The following MICA variants were observed in gnomAD, a reference collection of about 807,000 sequenced individuals.
The protein encoded by MICA is HLA class I antigen.
MICA carries 18 observed loss-of-function variants against 34.3 expected under a neutral mutation model. The ratio of observed to expected loss-of-function variants is 0.52; its 90% CI spans 0.36 to 0.78. The LOEUF is 0.78. Ranked by LOEUF, MICA falls within the 30% of genes least tolerant of loss-of-function variation. The probability of loss-of-function intolerance (pLI) is 0.00; values close to 1 mark genes in which losing one functional copy is unlikely to be tolerated. For missense variants in MICA, 333 were observed against 409.4 expected, an observed-to-expected ratio of 0.81 and a Z score of 1.61; for synonymous variants, 135 against 156.9, an observed-to-expected ratio of 0.86 and a Z score of 1.04.
Position 31,410,700 on chromosome 6 carries a change from C to T in MICA, c.228C>T (p.Val76=), listed in dbSNP as rs777576465. The T allele has an allele frequency of 1.2e-6, 2 of 1,612,788 alleles. No homozygotes were observed. The highest frequency in any genetic ancestry group is 3.4e-5 in the Admixed American group (2 of 59,354). Residue 76 remains valine (V), a synonymous_variant, in exon 2 of 6, where the codon GTC becomes GTT. Coordinates refer to ENST00000449934, the MANE Select transcript of MICA (RefSeq NM_001177519.3). ...AKPQGQWAED[V]LGNKTWDRET... ...CCCAGGGACAGTGGGCAGAAGATGT[C>T]CTGGGAAATAAGACATGGGACAGAG... is the stretch of plus-strand genomic sequence containing the variant.
In MICA at chr6:31,411,568, G is replaced by A. The variant is rs1034009395; in HGVS notation, c.613+209G>A. The stretch of plus-strand genomic sequence containing the variant: ...CCATCCAGTGTTGTAATCAGGGCAA[G>A]TAGAGGACCCTCCGACAGAATCCTG... On this transcript the variant is annotated intron_variant, in intron 3 of 5. Coordinates refer to ENST00000449934, the MANE Select transcript of MICA (RefSeq NM_001177519.3). The surrounding 1 kb of genome is among the most constrained non-coding windows in gnomAD (Gnocchi z 4.3). Among the ~76,000 whole-genome samples, 2 of 152,008 alleles carry A rather than the reference G, an allele frequency of 1.3e-5. No homozygotes were observed. The highest frequency in any genetic ancestry group is 3.4e-3 in the Middle Eastern group (1 of 294).
chr6:31,412,865 G>A (rs1205083898), intron 5 of MICA, among the ~76,000 whole-genome samples: 1 of 148,100 alleles, frequency 6.8e-6, no homozygotes, highest in Admixed American at 6.8e-5. Context: ...TGTGATCTGG[G>A]GAGGGCCAGA....
chr6:31,405,015 T>C (rs1770674978), intron 1 of MICA, among the ~76,000 whole-genome samples: 1 of 151,368 alleles, frequency 6.6e-6, no homozygotes, highest in African/African-American at 2.4e-5. Flanking sequence ...CTGGAGCATA[T>C]GACAGTGCTG....
intron 5 of MICA, among the ~76,000 whole-genome samples, chr6:31,414,372 G>C (rs9266818): frequency 0.012 from 1,891 of 152,180 alleles, 39 homozygotes; most frequent in African/African-American, 0.019. Flanking sequence ...TTACTCAAGA[G>C]CAGGTCACAG....
rs1771173739 is a variant in MICA, at chr6:31,411,847, G to T, written c.614-100G>T. The T allele has an allele frequency of 3.4e-6, 5 of 1,488,378 alleles. No individual in the cohort carries two copies. Among genetic ancestry groups the T allele is most frequent in the Non-Finnish European group, 3.6e-6 (4 of 1,119,380 alleles). 92.2% of individuals were successfully genotyped at this position (1,488,378 alleles called of 1,614,324 possible). On this transcript the variant is annotated intron_variant, in intron 3 of 5. Transcript: ENST00000449934. The surrounding 1 kb of genome is among the most constrained non-coding windows in gnomAD (Gnocchi z 4.3). ...GACTTGCAGGTCAGGGGTCCCGGAG[G>T]GCTTCAGCCAGAGTGAGAACAGTGA...
chr6:31,410,686 T>C lies in MICA; in HGVS notation c.214T>C (p.Trp72Arg), dbSNP rs765075091. The stretch of plus-strand genomic sequence containing the variant: ...ATGCAGGGCAAAGCCCCAGGGACAG[T>C]GGGCAGAAGATGTCCTGGGAAATAA... Reference protein sequence around the residue: ...QKCRAKPQGQWAEDVLGNKTW... With the variant: ...QKCRAKPQGQRAEDVLGNKTW... Residue 72 changes from tryptophan to arginine, a missense_variant, in exon 2 of 6, where the codon TGG becomes CGG. Transcript: ENST00000449934. 2 of 1,613,156 alleles carry C rather than the reference T, an allele frequency of 1.2e-6. No individual in the cohort carries two copies. The highest frequency in any genetic ancestry group is 1.3e-5 in the African/African-American group (1 of 74,654).
At chr6:31,413,488 G>A (rs1049035352) in intron 5 of MICA, among the ~76,000 whole-genome samples, 5 of 151,944 alleles carry the variant, frequency 3.3e-5, no homozygotes, top group African/African-American at 7.3e-5. Flanking sequence ...TTTGATGGGG[G>A]ATGAAAAGAG....
chr6:31,405,320 T>A (rs868660281), intron 1 of MICA, among the ~76,000 whole-genome samples: 53 of 151,336 alleles, frequency 3.5e-4, no homozygotes, highest in Middle Eastern at 3.4e-3. Flanking sequence ...CCAGCATTAC[T>A]CCTTTTGGCA....
At chr6:31,410,448 G>A in intron 1 of MICA, 95 bp from the exon 2 acceptor site, 1 of 1,113,492 alleles carries the variant, frequency 9.0e-7, no homozygotes, top group Non-Finnish European at 1.2e-6. Context: ...TGCATTTCCT[G>A]CCCCAGGAAG....
intron 1 of MICA, among the ~76,000 whole-genome samples, chr6:31,408,501 A>G (rs1468849336): frequency 6.6e-6 from 1 of 151,940 alleles, no homozygotes; most frequent in African/African-American, 2.4e-5. Context: ...TTTTAAGTGT[A>G]TACTCGGTGG....
Position 31,412,141 on chromosome 6 carries a change from A to G in MICA, c.808A>G (p.Thr270Ala). The stretch of plus-strand genomic sequence containing the variant: ...TGGAACCTACCAGACCTGGGTGGCC[A>G]CCAGGATTTGCCGAGGAGAGGAGCA... ...GNGTYQTWVA[T>A]RICRGEEQRF... is the part of the protein sequence containing the mutation. Residue 270 changes from threonine to alanine, a missense_variant, in exon 4 of 6, where the codon ACC (threonine) becomes GCC (alanine). By Grantham distance (58) the Thr-to-Ala change is moderately conservative (BLOSUM62 0). Coordinates refer to ENST00000449934, the MANE Select transcript of MICA (RefSeq NM_001177519.3). The G allele has an allele frequency of 1.9e-6, 3 of 1,612,942 alleles. No homozygotes were observed. Among genetic ancestry groups the G allele is most frequent in the Non-Finnish European group, 2.5e-6 (3 of 1,179,920 alleles).
rs1465919355 is a variant in MICA, at chr6:31,410,563, A to G, written c.91A>G (p.Asn31Asp). The change falls in exon 2 of 6, where the codon AAC becomes GAC. Residue 31 changes from asparagine (N) to aspartate (D), a missense_variant. Transcript: ENST00000449934. ...CCCAGAGCCCCACAGTCTTCGTTAT[A>G]ACCTCACGGTGCTGTCCTGGGATGG... ...AAAEPHSLRY[N>D]LTVLSWDGSV... 1.2e-6 allele frequency: 2 copies of G among 1,612,816 alleles called. No individual in the cohort carries two copies. Among genetic ancestry groups the G allele is most frequent in the Non-Finnish European group, 1.7e-6 (2 of 1,179,866 alleles).
Position 31,410,814 on chromosome 6 carries a change from G to T in MICA, c.325+17G>T. The T allele has an allele frequency of 1.3e-6, 2 of 1,551,012 alleles. No individual in the cohort carries two copies. The highest frequency in any genetic ancestry group is 1.7e-6 in the Non-Finnish European group (2 of 1,146,804). ...AGAAAGAAGGTGAGAGTCGGCAGGGGCAAGAGTGACTGGAGAGGCCTTTTC... is the reference window on the plus strand; with the variant it reads ...AGAAAGAAGGTGAGAGTCGGCAGGGTCAAGAGTGACTGGAGAGGCCTTTTC... On this transcript the variant is annotated intron_variant, in intron 2 of 5. Transcript: ENST00000449934.
chr6:31,401,974 G>C (rs749654188), upstream of MICA, among the ~76,000 whole-genome samples: 1 of 151,854 alleles, frequency 6.6e-6, no homozygotes, highest in Non-Finnish European at 1.5e-5. Flanking sequence ...AGTAGAAAGA[G>C]GCTTTCGGGA....
chr6:31,410,438 T>G (rs557334411), intron 1 of MICA, 105 bp from the exon 2 acceptor site: 5 of 1,393,072 alleles, frequency 3.6e-6, no homozygotes, highest in Admixed American at 2.4e-5. Flanking sequence ...TTTGCCCGTG[T>G]GCATTTCCTG....
intron 1 of MICA, among the ~76,000 whole-genome samples, chr6:31,405,356 C>T (rs1770694084): frequency 6.6e-6 from 1 of 150,890 alleles, no homozygotes; most frequent in South Asian, 2.1e-4. Flanking sequence ...TGAGAATCTC[C>T]CCCTCTACCT....
rs563875763 is a variant in MICA at position 31,407,957 on chromosome 6, C to T, written c.71-2586C>T. 7.0e-4 allele frequency among the ~76,000 whole-genome samples: 107 copies of T among 151,926 alleles called. 4 individuals are homozygous for T. Among genetic ancestry groups the T allele is most frequent in the African/African-American group, 2.1e-3 (85 of 41,358 alleles). Reference sequence around the variant, plus strand: ...TAGAGAAAAGGCTTTCAGTTTTCCCCCATTCAGTATGTTACTAGCTGTGAG... The same window carrying T: ...TAGAGAAAAGGCTTTCAGTTTTCCCTCATTCAGTATGTTACTAGCTGTGAG... On this transcript the variant is annotated intron_variant, in intron 1 of 5. Transcript: ENST00000449934.
At chr6:31,407,705 G>A (rs113749342) in intron 1 of MICA, among the ~76,000 whole-genome samples, 8,627 of 151,956 alleles carry the variant, frequency 0.057, 440 homozygotes, top group South Asian at 0.17. Flanking sequence ...TTTGTATCCT[G>A]CAACTTTACT....
At chr6:31,409,972 C>T (rs1380251568) in intron 1 of MICA, among the ~76,000 whole-genome samples, 2 of 20,854 alleles carry the variant, frequency 9.6e-5, no homozygotes, top group Non-Finnish European at 7.2e-5. Flanking sequence ...AAGCCCACAC[C>T]GTTCGTTGCT....
Sources: gnomAD v4.1 joint callset for allele counts (sites outside exome capture counted in the v4.1 genomes callset) on GRCh38, gnomAD v4.1.1 for gene constraint, Gnocchi (gnomAD v3.1) non-coding constraint, MANE v1.5 for transcripts, NCBI Gene and HGNC (gene_info 2026-07-23, HGNC 2026-07-21) for gene names.